SLC24A3: variants seen among roughly 807,000 people sequenced by gnomAD.
SLC24A3 encodes solute carrier family 24 member 3.
Under a neutral mutation model 75.8 loss-of-function variants are expected in SLC24A3, and 28 were observed. That is an observed-to-expected ratio of 0.37 (90% CI 0.27 to 0.51). The LOEUF (loss-of-function observed/expected upper bound fraction) is 0.51, where lower values mean the gene tolerates loss of function less well. Among genes scored for constraint, SLC24A3 ranks in the 20% least tolerant of loss-of-function variants. SLC24A3 has a pLI of 0.94. For synonymous variants in SLC24A3, 372 were observed against 334.1 expected (o/e 1.11, Z -1.24); for missense variants, 663 against 847.8 (o/e 0.78, Z 2.71).
chr20:19,280,504 T>G (rs1035648022), intron 1 of SLC24A3, among the ~76,000 whole-genome samples: 4 of 152,280 alleles, frequency 2.6e-5, no homozygotes, highest in Admixed American at 2.0e-4. Flanking sequence ...GTCCATCTCT[T>G]CCGAATACCA....
At chr20:19,350,375 T>G (rs1985540276) in intron 2 of SLC24A3, among the ~76,000 whole-genome samples, 1 of 152,250 alleles carries the variant, frequency 6.6e-6, no homozygotes, top group Non-Finnish European at 1.5e-5. Context: ...TTCATTCTTC[T>G]CCTTCCTTTT....
intron 2 of SLC24A3, among the ~76,000 whole-genome samples, chr20:19,295,712 G>A (rs528185233): frequency 4.6e-5 from 7 of 152,214 alleles, no homozygotes; most frequent in Admixed American, 6.5e-5. Flanking sequence ...TGAATTGATC[G>A]TGGTGGATAA....
At chr20:19,678,303 A>C (rs1330712895) in intron 9 of SLC24A3, among the ~76,000 whole-genome samples, 68 of 127,256 alleles carry the variant, frequency 5.3e-4, no homozygotes, top group Middle Eastern at 4.3e-3. Flanking sequence ...GGCACCCCTC[A>C]CCTCCCAGAC....
chr20:19,571,421 A>T (rs1249886260), intron 3 of SLC24A3, among the ~76,000 whole-genome samples: 4 of 152,142 alleles, frequency 2.6e-5, no homozygotes, highest in Admixed American at 2.6e-4. Context: ...CAGCAAGTGG[A>T]TATTGTGAAA....
At chr20:19,380,954 G>A (rs1176376350) in intron 2 of SLC24A3, among the ~76,000 whole-genome samples, 2 of 152,108 alleles carry the variant, frequency 1.3e-5, no homozygotes, top group East Asian at 3.9e-4. Flanking sequence ...ATAATAATTA[G>A]CCAGGCCAGG....
intron 6 of SLC24A3, among the ~76,000 whole-genome samples, chr20:19,622,665 C>T (rs1361916064): frequency 1.3e-5 from 2 of 152,158 alleles, no homozygotes; most frequent in African/African-American, 2.4e-5. Context: ...TATTTTCCAA[C>T]CCTGGAGCAT....
intron 2 of SLC24A3, among the ~76,000 whole-genome samples, chr20:19,405,451 G>A (rs913807613): frequency 1.3e-4 from 20 of 152,298 alleles, no homozygotes; most frequent in Non-Finnish European, 2.1e-4. Flanking sequence ...TCTGTCAGTG[G>A]CATTCTAGCT....
At chr20:19,460,225 C>G (rs562593013) in intron 2 of SLC24A3, among the ~76,000 whole-genome samples, 10 of 152,250 alleles carry the variant, frequency 6.6e-5, no homozygotes, top group African/African-American at 2.4e-4. Context: ...GTACTTCAGG[C>G]ACCTCTCACT....
chr20:19,717,548 G>C lies in SLC24A3; in HGVS notation c.1740G>C (p.Gly580=). The change falls in exon 16 of 17, where the codon GGG becomes GGC. Residue 580 remains glycine (G), a synonymous_variant. Coordinates refer to ENST00000328041, the MANE Select transcript of SLC24A3 (RefSeq NM_020689.4). ...TACAGATCCGGCTGAATAGCAGGGG[G>C]CTGATCTACTCCGTAGGCTTGCTCC... is the stretch of plus-strand genomic sequence containing the variant. The part of the protein sequence containing the change: ...YGSYIRLNSR[G]LIYSVGLLLA... 6.2e-7 allele frequency: 1 copy of C among 1,614,152 alleles called. No homozygotes were observed. Among genetic ancestry groups the C allele is most frequent in the Non-Finnish European group, 8.5e-7 (1 of 1,180,000 alleles).
chr20:19,556,756 A>C (rs2030793695), intron 3 of SLC24A3, among the ~76,000 whole-genome samples: 1 of 152,178 alleles, frequency 6.6e-6, no homozygotes, highest in South Asian at 2.1e-4. Flanking sequence ...ATGCACAGAC[A>C]GGACTGTGCC....
At chr20:19,335,902 G>C (rs1985120302) in intron 2 of SLC24A3, among the ~76,000 whole-genome samples, 1 of 152,126 alleles carries the variant, frequency 6.6e-6, no homozygotes, top group Admixed American at 6.6e-5. Flanking sequence ...CCCTTATTTT[G>C]CCCAAGACAG....
At chr20:19,239,901 C>T (rs747297629) in intron 1 of SLC24A3, among the ~76,000 whole-genome samples, 2 of 152,128 alleles carry the variant, frequency 1.3e-5, no homozygotes, top group South Asian at 2.1e-4. Flanking sequence ...CTATGGCCCT[C>T]GTTGGACTGT....
intron 2 of SLC24A3, among the ~76,000 whole-genome samples, chr20:19,451,824 C>T (rs539016363): frequency 5.3e-5 from 8 of 152,206 alleles, no homozygotes; most frequent in Non-Finnish European, 1.2e-4. Context: ...TGCGCTGGCA[C>T]CTCAGATCCC....
chr20:19,548,686 T>C (rs1335799127), intron 3 of SLC24A3, among the ~76,000 whole-genome samples: 2 of 152,226 alleles, frequency 1.3e-5, no homozygotes, highest in African/African-American at 4.8e-5. Context: ...CCAGCCTCTT[T>C]TGAGGACTCC....
At chr20:19,650,723 T>G (rs1320813908) in intron 6 of SLC24A3, among the ~76,000 whole-genome samples, 1 of 152,228 alleles carries the variant, frequency 6.6e-6, no homozygotes, top group Non-Finnish European at 1.5e-5. Context: ...TTATTATTAC[T>G]ATACAACCAC....
At chr20:19,440,931 CA>C (rs1426986231) in intron 2 of SLC24A3, among the ~76,000 whole-genome samples, 1 of 152,038 alleles carries the variant, frequency 6.6e-6, no homozygotes, top group Non-Finnish European at 1.5e-5. Context: ...ATATGAGTGA[CA>C]GGGGAGTTTA....
At chr20:19,239,950 C>T (rs551018866) in intron 1 of SLC24A3, among the ~76,000 whole-genome samples, 229 of 152,262 alleles carry the variant, frequency 1.5e-3, no homozygotes, top group Non-Finnish European at 2.8e-3. Flanking sequence ...GAAGCACAAT[C>T]TGCGGTTGTC....
chr20:19,658,143 A>T (rs1225696045), intron 7 of SLC24A3, among the ~76,000 whole-genome samples: 1 of 152,130 alleles, frequency 6.6e-6, no homozygotes, highest in Non-Finnish European at 1.5e-5. Flanking sequence ...ACGCCCACCA[A>T]GGGGTTCTTC....
intron 2 of SLC24A3, among the ~76,000 whole-genome samples, chr20:19,476,746 A>G (rs1174671087): frequency 6.6e-6 from 1 of 152,140 alleles, no homozygotes; most frequent in African/African-American, 2.4e-5. Flanking sequence ...CGTAGCAAGG[A>G]TGTCAGTGTC....
Sources: allele counts gnomAD v4.1 joint callset (sites outside exome capture counted in the v4.1 genomes callset), GRCh38; gene constraint gnomAD v4.1.1; transcripts MANE v1.5; gene names NCBI Gene and HGNC (gene_info 2026-07-23, HGNC 2026-07-21).